ZNF385B: variants seen among roughly 807,000 people sequenced by gnomAD.
The protein encoded by ZNF385B is zinc finger protein 385B.
A neutral mutation model predicts 39.2 loss-of-function variants in ZNF385B; 23 were observed. The ratio of observed to expected loss-of-function variants is 0.59; its 90% confidence interval spans 0.42 to 0.83. ZNF385B has a LOEUF of 0.83. ZNF385B is among the 40% of genes least tolerant of loss of function. ZNF385B has a pLI of 0.00. For missense variants in ZNF385B, 552 were observed against 598.9 expected (o/e 0.92, Z 0.82); for synonymous variants, 205 against 222.6 (o/e 0.92, Z 0.70).
At chr2:179,468,988 AT>A (rs1181850862) in intron 6 of ZNF385B, among the ~76,000 whole-genome samples, 3 of 152,206 alleles carry the variant, frequency 2.0e-5, no homozygotes, top group Non-Finnish European at 2.9e-5. Context: ...AAAAATTCTA[AT>A]GTATTTAAAT....
intron 4 of ZNF385B, among the ~76,000 whole-genome samples, chr2:179,525,403 G>A (rs967023107): frequency 1.3e-5 from 2 of 152,172 alleles, no homozygotes; most frequent in Admixed American, 1.3e-4. Context: ...AATTTGGGCT[G>A]TCCTGTCCTC....
At chr2:179,602,239 T>G (rs1390530354) in intron 3 of ZNF385B, among the ~76,000 whole-genome samples, 1 of 152,236 alleles carries the variant, frequency 6.6e-6, no homozygotes, top group East Asian at 1.9e-4. Flanking sequence ...TCTCATTAAC[T>G]AAAACACAAC....
intron 1 of ZNF385B, among the ~76,000 whole-genome samples, chr2:179,807,273 C>T (rs1193380520): frequency 6.6e-6 from 1 of 152,078 alleles, no homozygotes; most frequent in African/African-American, 2.4e-5. Flanking sequence ...ATAGATAAAT[C>T]CTAAAATTAT....
At chr2:179,604,787 TG>T in intron 3 of ZNF385B, among the ~76,000 whole-genome samples, 1 of 152,262 alleles carries the variant, frequency 6.6e-6, no homozygotes. Context: ...CTGGAGGGAA[TG>T]TCTCCAACTA....
chr2:179,543,145 G>A (rs1030134714), intron 4 of ZNF385B, among the ~76,000 whole-genome samples: 2 of 152,004 alleles, frequency 1.3e-5, no homozygotes, highest in South Asian at 2.1e-4. Flanking sequence ...GGTGGCAGGC[G>A]CCTGTAATCC....
intron 1 of ZNF385B, among the ~76,000 whole-genome samples, chr2:179,849,742 G>C (rs374070557): frequency 6.6e-6 from 1 of 152,294 alleles, no homozygotes; most frequent in South Asian, 2.1e-4. Context: ...CACTTGAATA[G>C]TCATTAACCT....
At chr2:179,450,345 C>G (rs1047874891) in intron 6 of ZNF385B, among the ~76,000 whole-genome samples, 11 of 152,044 alleles carry the variant, frequency 7.2e-5, no homozygotes, top group African/African-American at 2.7e-4. Context: ...ATATTTGCAA[C>G]CTACTCATCT....
At chr2:179,634,225 G>GC (rs931786605) in intron 3 of ZNF385B, among the ~76,000 whole-genome samples, 1 of 126,476 alleles carries the variant, frequency 7.9e-6, no homozygotes, top group African/African-American at 3.2e-5. Context: ...TAATTAAAGA[G>GC]CTCTGCACAG....
rs865839454 is a variant in ZNF385B, at chr2:179,489,982, G to A, written c.553-6548C>T. Among the ~76,000 whole-genome samples, 4 of 152,164 alleles carry A rather than the reference G, an allele frequency of 2.6e-5. No homozygotes were observed. The South Asian group carries it at 8.3e-4, about 32-fold the overall frequency. On this transcript the variant is annotated intron_variant, in intron 5 of 9. Coordinates refer to ENST00000410066, the MANE Select transcript of ZNF385B (RefSeq NM_152520.6). ...TACAAGTTGCTATGGCCTGTCTAGG[G>A]CCATCACACTGCATAACTCTGCAGG...
chr2:179,488,245 A>G (rs1470057433), intron 5 of ZNF385B, among the ~76,000 whole-genome samples: 2 of 152,122 alleles, frequency 1.3e-5, no homozygotes, highest in African/African-American at 2.4e-5. Flanking sequence ...CCCGGGTTCA[A>G]GTGATTCCCC....
intron 1 of ZNF385B, among the ~76,000 whole-genome samples, chr2:179,821,523 T>C (rs1054374037): frequency 6.6e-6 from 1 of 152,068 alleles, no homozygotes. Context: ...CTAAAAACAA[T>C]ACTCTCGAGT....
intron 1 of ZNF385B, among the ~76,000 whole-genome samples, chr2:179,853,951 A>G (rs980639235): frequency 1.3e-5 from 2 of 152,200 alleles, no homozygotes; most frequent in Non-Finnish European, 2.9e-5. Flanking sequence ...CATCTTCAAT[A>G]GTGCATCACG....
intron 6 of ZNF385B, among the ~76,000 whole-genome samples, chr2:179,468,211 A>T (rs192636002): frequency 6.6e-6 from 1 of 152,334 alleles, no homozygotes; most frequent in African/African-American, 2.4e-5. Context: ...GTATCAGTGA[A>T]CTGGCACCGA....
At chr2:179,620,699 A>G (rs955599338) in intron 3 of ZNF385B, among the ~76,000 whole-genome samples, 2 of 152,224 alleles carry the variant, frequency 1.3e-5, no homozygotes, top group African/African-American at 4.8e-5. Context: ...TCTTACAGTC[A>G]TATATTCATA....
chr2:179,488,541 G>A (rs949119520), intron 5 of ZNF385B, among the ~76,000 whole-genome samples: 1 of 152,136 alleles, frequency 6.6e-6, no homozygotes, highest in Non-Finnish European at 1.5e-5. Context: ...AAAAACAGTC[G>A]AAGGAAAAAC....
chr2:179,537,140 G>C (rs982179234), intron 4 of ZNF385B, among the ~76,000 whole-genome samples: 10 of 151,518 alleles, frequency 6.6e-5, no homozygotes, highest in Non-Finnish European at 1.3e-4. Flanking sequence ...GAGAAACCCT[G>C]TCTCTACTAA....
intron 3 of ZNF385B, among the ~76,000 whole-genome samples, chr2:179,767,684 G>A (rs376043837): frequency 5.3e-4 from 81 of 152,110 alleles, no homozygotes; most frequent in Non-Finnish European, 8.5e-4. Context: ...GATAGTGTAC[G>A]CATGCACACA....
At chr2:179,541,725 G>A (rs2059930017) in intron 4 of ZNF385B, among the ~76,000 whole-genome samples, 1 of 152,066 alleles carries the variant, frequency 6.6e-6, no homozygotes, top group Non-Finnish European at 1.5e-5. Context: ...GTTGTTTGTA[G>A]AGGTCTATTA....
rs1027681007 is a variant in ZNF385B, at chr2:179,443,163, G to T, written c.*87C>A. 2 of 1,484,276 alleles carry T rather than the reference G, an allele frequency of 1.3e-6. No homozygotes were observed. Among genetic ancestry groups the T allele is most frequent in the African/African-American group, 2.8e-5 (2 of 72,330 alleles). The allele number at this position is 1,484,276 out of a possible 1,614,324, so 91.9% of individuals were successfully genotyped here. A position where few individuals can be genotyped will look rare whatever the true frequency, so the allele number is the denominator to read the frequency against. ...ATTTTGTGGGTGAATGGGGGGTACT[G>T]CAACACAAACTGCTTAAATTGCTGA... On this transcript the variant is annotated 3_prime_UTR_variant, in exon 10 of 10. Transcript: ENST00000410066.
Sources: allele counts gnomAD v4.1 joint callset (sites outside exome capture counted in the v4.1 genomes callset), GRCh38; gene constraint gnomAD v4.1.1; transcripts MANE v1.5; gene names NCBI Gene and HGNC (gene_info 2026-07-23, HGNC 2026-07-21).